GAPVD1: variants seen among roughly 807,000 people sequenced by gnomAD.
GAPVD1 encodes GTPase-activating protein and VPS9 domain-containing protein 1.
GAPVD1 carries 35 observed loss-of-function variants against 155.5 expected under a neutral mutation model. That is an observed-to-expected ratio of 0.23 (90% CI 0.17 to 0.30). The LOEUF (loss-of-function observed/expected upper bound fraction) is 0.30, where lower values mean the gene tolerates loss of function less well. Among genes scored for constraint, GAPVD1 ranks in the 10% least tolerant of loss-of-function variants. The probability of loss-of-function intolerance (pLI) is 1.00; values close to 1 mark genes in which losing one functional copy is unlikely to be tolerated. For synonymous variants in GAPVD1, 636 were observed against 619.7 expected (o/e 1.03, Z -0.39); for missense variants, 1,429 against 1,775.7 (o/e 0.80, Z 3.51).
intron 1 of GAPVD1, among the ~76,000 whole-genome samples, chr9:125,265,791 G>A (rs1833836062): frequency 6.8e-6 from 1 of 147,818 alleles, no homozygotes; most frequent in South Asian, 2.2e-4. Flanking sequence ...TACTGGCCAG[G>A]CGTGGTAGCT....
chr9:125,337,045 CTCAG>C lies in GAPVD1; in HGVS notation c.2461_2464del (p.Glu822LeufsTer19). 6.2e-7 allele frequency: 1 copy of C among 1,612,876 alleles called. No homozygotes were observed. The highest frequency in any genetic ancestry group is 8.5e-7 in the Non-Finnish European group (1 of 1,178,836). On this transcript the variant is annotated frameshift_variant, in exon 16 of 28. Coordinates refer to ENST00000297933, the MANE Select transcript of GAPVD1 (RefSeq NM_001282680.3). LOFTEE classifies it high-confidence loss of function. ...GCCCACCAGCTGACCTCTCCTCCTT[CTCAG>C]TCAGAGTCTCTGCTGGCCATGTTTG...
At chr9:125,339,977 G>A (rs1476167433) in intron 17 of GAPVD1, among the ~76,000 whole-genome samples, 2 of 152,130 alleles carry the variant, frequency 1.3e-5, no homozygotes, top group Non-Finnish European at 2.9e-5. Context: ...TCACATGATA[G>A]GCTATTAAAG....
chr9:125,328,916 C>G (rs552148136), intron 12 of GAPVD1, among the ~76,000 whole-genome samples: 1 of 152,230 alleles, frequency 6.6e-6, no homozygotes, highest in Non-Finnish European at 1.5e-5. Context: ...GCGGATCACT[C>G]GCGGTTAGGG....
At chr9:125,304,127 A>G (rs1841414270) in intron 5 of GAPVD1, 1 of 152,098 alleles carries the variant, frequency 6.6e-6, no homozygotes. Flanking sequence ...GTGCCATCTT[A>G]GCTCTCTGTA....
rs964502086 is a variant in GAPVD1 at position 125,365,841 on chromosome 9, G to C, written c.*3095G>C. 2 of 152,254 alleles carry C rather than the reference G, an allele frequency of 1.3e-5. No homozygotes were observed. Among genetic ancestry groups the C allele is most frequent in the Non-Finnish European group, 2.9e-5 (2 of 68,080 alleles). 9.4% of individuals were successfully genotyped at this position (152,254 alleles called of 1,614,324 possible). A position where few individuals can be genotyped will look rare whatever the true frequency, so the allele number is the denominator to read the frequency against. Reference sequence around the variant, plus strand: ...TTTTGTAGAGACAGGGTTTCGCCATGTTGGCCAGGCTGGTCTCGAACTCCT... The same window carrying C: ...TTTTGTAGAGACAGGGTTTCGCCATCTTGGCCAGGCTGGTCTCGAACTCCT... On this transcript the variant is annotated 3_prime_UTR_variant, in exon 28 of 28. Coordinates refer to ENST00000297933, the MANE Select transcript of GAPVD1 (RefSeq NM_001282680.3).
chr9:125,319,033 G>A lies in GAPVD1; in HGVS notation c.1603-2400G>A, dbSNP rs932458863. ...TTTACTAAAAATACAAAAATTAGCC[G>A]GGTGTGGTGGCACATGCCTGTAATC... is the stretch of plus-strand genomic sequence containing the variant. On this transcript the variant is annotated intron_variant, in intron 9 of 27. Coordinates refer to ENST00000297933, the MANE Select transcript of GAPVD1 (RefSeq NM_001282680.3). Among the ~76,000 whole-genome samples, 10 of 150,782 alleles carry A rather than the reference G, an allele frequency of 6.6e-5. No individual in the cohort carries two copies. In the South Asian group the frequency reaches 1.5e-3, roughly 22 times the overall value.
intron 6 of GAPVD1, among the ~76,000 whole-genome samples, chr9:125,305,958 T>C (rs1841729710): frequency 6.6e-6 from 1 of 152,130 alleles, no homozygotes; most frequent in Admixed American, 6.6e-5. Flanking sequence ...TGGTCGATAA[T>C]TGTTTAATTT....
At chr9:125,289,797 A>G (rs978234757) in intron 2 of GAPVD1, among the ~76,000 whole-genome samples, 3 of 152,222 alleles carry the variant, frequency 2.0e-5, no homozygotes, top group Non-Finnish European at 4.4e-5. Context: ...GTACTTAAAA[A>G]TGATTGAGAC....
intron 2 of GAPVD1, among the ~76,000 whole-genome samples, chr9:125,282,847 T>G (rs971147638): frequency 7.2e-5 from 11 of 152,056 alleles, no homozygotes; most frequent in African/African-American, 2.7e-4. Context: ...ATCTTCTGAT[T>G]CCAGTTTTAG....
At chr9:125,342,146 G>T in intron 18 of GAPVD1, 73 bp from the exon 19 acceptor site, 1 of 734,404 alleles carries the variant, frequency 1.4e-6, no homozygotes, top group Non-Finnish European at 2.4e-6. Context: ...ACTTAGAAAT[G>T]TTGGCACACC....
At chr9:125,305,613 C>T (rs930486055) in intron 6 of GAPVD1, among the ~76,000 whole-genome samples, 1 of 152,112 alleles carries the variant, frequency 6.6e-6, no homozygotes, top group African/African-American at 2.4e-5. Flanking sequence ...TCGTGATCCA[C>T]CTGCCTCGGC....
intron 2 of GAPVD1, among the ~76,000 whole-genome samples, chr9:125,292,083 A>C (rs746882024): frequency 2.0e-5 from 3 of 152,078 alleles, no homozygotes; most frequent in Non-Finnish European, 4.4e-5. Context: ...ACAAAAAGCA[A>C]ATTTTAAAAA....
intron 2 of GAPVD1, among the ~76,000 whole-genome samples, chr9:125,286,365 A>G (rs567723807): frequency 1.3e-5 from 2 of 152,018 alleles, no homozygotes; most frequent in South Asian, 4.2e-4. Flanking sequence ...GCTGATCTTA[A>G]ACTCTTGGGC....
chr9:125,350,426 T>A, intron 22 of GAPVD1, 22 bp downstream of exon 22: 1 of 1,432,748 alleles, frequency 7.0e-7, no homozygotes, highest in Non-Finnish European at 9.9e-7. Flanking sequence ...CAGGATCGTT[T>A]AATTTTTCCT....
At chr9:125,293,663 TATATA>T (rs573126934) in intron 2 of GAPVD1, among the ~76,000 whole-genome samples, 2,090 of 131,024 alleles carry the variant, frequency 0.016, 74 homozygotes, top group African/African-American at 0.056. Context: ...ATATATTATA[TATATA>T]ATATAAAAAT....
At chr9:125,322,023 A>G (rs1844392566) in intron 10 of GAPVD1, among the ~76,000 whole-genome samples, 6 of 152,178 alleles carry the variant, frequency 3.9e-5, no homozygotes, top group Admixed American at 3.9e-4. Flanking sequence ...AGAAAATTCA[A>G]AGCCAAGATT....
rs979199229 is a variant in GAPVD1 at position 125,336,313 on chromosome 9, CA to C, written c.2429-699del. 2.7e-3 allele frequency among the ~76,000 whole-genome samples: 388 copies of C among 141,252 alleles called. 9 individuals carry two copies. The East Asian group carries it at 0.064, about 23-fold the overall frequency. The allele number at this position is 141,252 out of a possible 152,430, so 92.7% of individuals were successfully genotyped here. A position where few individuals can be genotyped will look rare whatever the true frequency, so the allele number is the denominator to read the frequency against. ...ACCAAAAAAAAAAAAAAACAAAAAA[CA>C]AAAAATAGCTTCAGACTAAAAACAT... is the stretch of plus-strand genomic sequence containing the variant. On this transcript the variant is annotated intron_variant, in intron 15 of 27. Coordinates refer to ENST00000297933, the MANE Select transcript of GAPVD1 (RefSeq NM_001282680.3).
At chr9:125,322,509 A>C (rs1216172411) in intron 10 of GAPVD1, among the ~76,000 whole-genome samples, 1 of 152,230 alleles carries the variant, frequency 6.6e-6, no homozygotes, top group Non-Finnish European at 1.5e-5. Flanking sequence ...AGAGAAATAG[A>C]ATCACCTATA....
chr9:125,293,397 G>T (rs1269527485), intron 2 of GAPVD1, among the ~76,000 whole-genome samples: 1 of 150,912 alleles, frequency 6.6e-6, no homozygotes, highest in Non-Finnish European at 1.5e-5. Context: ...TGTATTGTCA[G>T]TGCCTGGCAC....
Sources: allele counts gnomAD v4.1 joint callset (sites outside exome capture counted in the v4.1 genomes callset), GRCh38; gene constraint gnomAD v4.1.1; transcripts MANE v1.5; gene names NCBI Gene and HGNC (gene_info 2026-07-23, HGNC 2026-07-21).